The following SHROOM3 variants were observed in gnomAD, a reference collection of about 807,000 sequenced individuals.
SHROOM3 encodes the protein protein Shroom3.
A neutral mutation model predicts 138.6 loss-of-function variants in SHROOM3; 47 were observed. The observed-to-expected ratio is 0.34, with a 90% CI of 0.27 to 0.43. SHROOM3 has a LOEUF of 0.43. Ranked by LOEUF, SHROOM3 falls within the 20% of genes least tolerant of loss-of-function variation. SHROOM3 has a pLI of 1.00. For synonymous variants in SHROOM3, 1,062 were observed against 1,063.3 expected (o/e 1.00, Z 0.02); for missense variants, 2,491 against 2,596.5 (o/e 0.96, Z 0.88).
chr4:76,720,509 A>G (rs1444329374), intron 3 of SHROOM3, among the ~76,000 whole-genome samples: 1 of 152,038 alleles, frequency 6.6e-6, no homozygotes, highest in African/African-American at 2.4e-5. Flanking sequence ...TTTGGGGCCT[A>G]TCATTTTCCT....
At chr4:76,499,826 T>C (rs1005282308) in intron 1 of SHROOM3, among the ~76,000 whole-genome samples, 2 of 152,196 alleles carry the variant, frequency 1.3e-5, no homozygotes, top group African/African-American at 4.8e-5. Flanking sequence ...GGGGGCCCCA[T>C]AATTACAAAT....
chr4:76,738,661 A>G, intron 4 of SHROOM3, 100 bp from the exon 5 acceptor site: 1 of 1,437,744 alleles, frequency 7.0e-7, no homozygotes. Flanking sequence ...CAAACACCAA[A>G]CCTCTTGCAC....
At chr4:76,606,007 A>ATATATATATAT (rs1734611107) in intron 2 of SHROOM3, among the ~76,000 whole-genome samples, 2 of 77,830 alleles carry the variant, frequency 2.6e-5, no homozygotes, top group African/African-American at 1.0e-4. Context: ...ATATATATAT[A>ATATATATATAT]TTTTTTTTTT....
intron 1 of SHROOM3, among the ~76,000 whole-genome samples, chr4:76,451,338 C>G (rs1199928014): frequency 1.3e-5 from 2 of 152,098 alleles, no homozygotes; most frequent in African/African-American, 4.8e-5. Flanking sequence ...CCTAATTATT[C>G]AAAGAATCAT....
At chr4:76,671,689 G>A (rs960347136) in intron 2 of SHROOM3, among the ~76,000 whole-genome samples, 3 of 152,172 alleles carry the variant, frequency 2.0e-5, no homozygotes, top group African/African-American at 7.2e-5. Flanking sequence ...GAAAAGAGAT[G>A]CACAATAAAA....
chr4:76,629,730 T>C (rs1735259644), intron 2 of SHROOM3, among the ~76,000 whole-genome samples: 1 of 152,192 alleles, frequency 6.6e-6, no homozygotes, highest in Admixed American at 6.5e-5. Context: ...GAAGTCAAGC[T>C]TTTAGTGTTG....
chr4:76,570,750 A>C (rs1032837331), intron 2 of SHROOM3, among the ~76,000 whole-genome samples: 9 of 152,174 alleles, frequency 5.9e-5, no homozygotes, highest in Non-Finnish European at 1.3e-4. Context: ...TATCTTTGCT[A>C]TATTCAGGAC....
In SHROOM3 at chr4:76,619,859, C is replaced by T. The variant is rs111990951; in HGVS notation, c.323+64096C>T. 1.8e-3 allele frequency among the ~76,000 whole-genome samples: 277 copies of T among 151,964 alleles called. 1 individual carries two copies. Among genetic ancestry groups the T allele is most frequent in the Non-Finnish European group, 2.5e-3 (173 of 67,930 alleles). The stretch of plus-strand genomic sequence containing the variant: ...GGTGGATCACCTGAGGTCAGGAGTT[C>T]GAGACCAGCCTGGCCAACATGGCAA... On this transcript the variant is annotated intron_variant, in intron 2 of 10. Transcript: ENST00000296043.
chr4:76,504,769 A>T (rs1732175197), intron 1 of SHROOM3, among the ~76,000 whole-genome samples: 1 of 152,170 alleles, frequency 6.6e-6, no homozygotes, highest in Admixed American at 6.5e-5. Flanking sequence ...TACATAGAAC[A>T]TCACTGCATG....
At chr4:76,688,419 C>T (rs1460095873) in intron 2 of SHROOM3, 3 of 985,232 alleles carry the variant, frequency 3.0e-6, no homozygotes, top group Admixed American at 6.1e-5. Context: ...TATTTCCTAC[C>T]TAGTGAGGTC....
intron 2 of SHROOM3, among the ~76,000 whole-genome samples, chr4:76,630,903 T>C (rs1272104012): frequency 2.0e-5 from 3 of 152,216 alleles, no homozygotes; most frequent in Non-Finnish European, 4.4e-5. Flanking sequence ...TGAGTTCCAA[T>C]GGGTCATTAT....
chr4:76,772,295 G>T (rs1287175874), intron 10 of SHROOM3, among the ~76,000 whole-genome samples: 1 of 151,626 alleles, frequency 6.6e-6, no homozygotes, highest in Non-Finnish European at 1.5e-5. Flanking sequence ...GTAGAGACGG[G>T]GTTTTACCAT....
At chr4:76,482,270 C>T (rs892542993) in intron 1 of SHROOM3, among the ~76,000 whole-genome samples, 3 of 152,096 alleles carry the variant, frequency 2.0e-5, no homozygotes, top group Non-Finnish European at 2.9e-5. Context: ...CATCTCAGCC[C>T]AAAATTTCCT....
chr4:76,775,494 T>C (rs1173177781), intron 10 of SHROOM3, among the ~76,000 whole-genome samples: 2 of 152,080 alleles, frequency 1.3e-5, no homozygotes, highest in African/African-American at 4.8e-5. Flanking sequence ...TGGAGATTCC[T>C]TAAAGAACTA....
At chr4:76,480,258 A>T (rs1731577968) in intron 1 of SHROOM3, among the ~76,000 whole-genome samples, 1 of 152,242 alleles carries the variant, frequency 6.6e-6, no homozygotes, top group Non-Finnish European at 1.5e-5. Context: ...ATGTGCAAAG[A>T]CACACATAAG....
Position 76,541,778 on chromosome 4 carries a change from A to G in SHROOM3, c.169-13831A>G, listed in dbSNP as rs1733106754. ...TCCCATGCCCTTTCTAAGATCTGAG[A>G]GCCCAGTGCCCAATTTAGGAGAGTT... On this transcript the variant is annotated intron_variant, in intron 1 of 10. Transcript: ENST00000296043. 2.0e-5 allele frequency among the ~76,000 whole-genome samples: 3 copies of G among 152,120 alleles called. No homozygotes were observed. In the South Asian group the frequency reaches 6.2e-4, roughly 32 times the overall value.
chr4:76,712,869 T>C (rs1720271592), intron 3 of SHROOM3, among the ~76,000 whole-genome samples: 1 of 152,230 alleles, frequency 6.6e-6, no homozygotes, highest in South Asian at 2.1e-4. Flanking sequence ...ACCTGGGCCA[T>C]TTGGTGTAGC....
At chr4:76,605,974 CAT>C (rs1239691520) in intron 2 of SHROOM3, among the ~76,000 whole-genome samples, 8 of 130,292 alleles carry the variant, frequency 6.1e-5, no homozygotes, top group East Asian at 2.2e-4. Context: ...TATATATACA[CAT>C]ATACACACAC....
rs191985423 is a variant in SHROOM3 at position 76,460,692 on chromosome 4, A to C, written c.168+24472A>C. Among the ~76,000 whole-genome samples, 17 of 151,704 alleles carry C rather than the reference A, an allele frequency of 1.1e-4. No homozygotes were observed. In the East Asian group the frequency reaches 2.3e-3, roughly 21 times the overall value. On this transcript the variant is annotated intron_variant, in intron 1 of 10. Coordinates refer to ENST00000296043, the MANE Select transcript of SHROOM3 (RefSeq NM_020859.4). Reference sequence around the variant, plus strand: ...TCTCTGGTGTCTCTCTGTATATCCAAATTTCCTCTTAGAAGAGGCCACTAG... The same window carrying C: ...TCTCTGGTGTCTCTCTGTATATCCACATTTCCTCTTAGAAGAGGCCACTAG...
Sources: allele counts gnomAD v4.1 joint callset (sites outside exome capture counted in the v4.1 genomes callset), GRCh38; gene constraint gnomAD v4.1.1; transcripts MANE v1.5; gene names NCBI Gene and HGNC (gene_info 2026-07-23, HGNC 2026-07-21).